Variants in FOXA3 observed in about 807,000 individuals in gnomAD.
FOXA3 encodes forkhead box A3.
In FOXA3, 11 loss-of-function variants were observed where a neutral mutation model predicts 16.9. That is an observed-to-expected ratio of 0.65 (90% CI 0.41 to 1.08). FOXA3 has a LOEUF of 1.08. Ranked by LOEUF, FOXA3 falls within the 50% of genes least tolerant of loss-of-function variation. FOXA3 has a pLI of 0.00. For synonymous variants in FOXA3, 217 were observed against 203.3 expected, an observed-to-expected ratio of 1.07 and a Z score of -0.57; for missense variants, 423 against 470.1, an observed-to-expected ratio of 0.90 and a Z score of 0.93.
In FOXA3 at chr19:45,872,452, C is replaced by G. The variant is rs780833457; in HGVS notation, c.447C>G (p.Asp149Glu). 1.1e-5 allele frequency: 17 copies of G among 1,614,216 alleles called. No individual in the cohort carries two copies. In the South Asian group the frequency reaches 1.6e-4, roughly 16 times the overall value. The change falls in exon 2 of 2, where the codon GAC becomes GAG. Residue 149 changes from aspartate (D) to glutamate (E), a missense_variant. Physicochemically the swap from Asp to Glu is conservative, Grantham distance 45. Around this residue, in one of 3 missense-constraint regions of FOXA3, gnomAD observed 85 missense variants for 136.9 expected, o/e 0.62. Transcript: ENST00000302177. The surrounding 1 kb of genome is among the most constrained non-coding windows in gnomAD (Gnocchi z 4.5). ...TLSEIYQWIM[D>E]LFPYYRENQQ... is the part of the protein sequence containing the mutation. ...GTGAAATCTACCAGTGGATCATGGA[C>G]CTCTTCCCTTACTACCGGGAGAATC...
chr19:45,867,937 T>C (rs930491429), intron 1 of FOXA3, among the ~76,000 whole-genome samples: 4 of 131,620 alleles, frequency 3.0e-5, no homozygotes, highest in African/African-American at 1.2e-4. Flanking sequence ...GGGGCCGAGA[T>C]GGAGGGGAAA....
chr19:45,864,344 G>A lies in FOXA3; in HGVS notation c.-113G>A. On this transcript the variant is annotated 5_prime_UTR_variant, in exon 1 of 2. Coordinates refer to ENST00000302177, the MANE Select transcript of FOXA3 (RefSeq NM_004497.3). ...GGCGCTCGGGACAGCCGTACCCCGG[G>A]CGGTCGGACGGGCGGGCGCCGGTGG... is the stretch of plus-strand genomic sequence containing the variant. The A allele has an allele frequency of 1.1e-6, 1 of 887,816 alleles. No homozygotes were observed. Among genetic ancestry groups the A allele is most frequent in the Non-Finnish European group, 1.5e-6 (1 of 658,076 alleles). 55.0% of individuals were successfully genotyped at this position (887,816 alleles called of 1,614,324 possible).
chr19:45,865,402 A>G (rs138664374), intron 1 of FOXA3, among the ~76,000 whole-genome samples: 8 of 152,102 alleles, frequency 5.3e-5, no homozygotes, highest in Middle Eastern at 3.2e-3. Context: ...ACCTGGACAG[A>G]CAGAAAGTCC....
chr19:45,865,417 T>C (rs1241824394), intron 1 of FOXA3, among the ~76,000 whole-genome samples: 1 of 152,094 alleles, frequency 6.6e-6, no homozygotes, highest in Non-Finnish European at 1.5e-5. Flanking sequence ...AAGTCCTTCC[T>C]CAAGTCTGAC....
chr19:45,872,745 T>C lies in FOXA3; in HGVS notation c.740T>C (p.Val247Ala), dbSNP rs1261954567. ...AASTTTPAATVTSPPQPPPPA... is the reference protein window; with the variant it reads ...AASTTTPAATATSPPQPPPPA... ...TCGACCACCACCCCCGCGGCCACAG[T>C]CACCTCCCCGCCCCAGCCCCCGCCT... Residue 247 changes from valine to alanine, a missense_variant, in exon 2 of 2, where the codon GTC becomes GCC. Physicochemically the swap from Val to Ala is moderately conservative, Grantham distance 64 (BLOSUM62 0). Around this residue, in one of 3 missense-constraint regions of FOXA3, gnomAD observed 168 missense variants for 179.3 expected, o/e 0.94. Coordinates refer to ENST00000302177, the MANE Select transcript of FOXA3 (RefSeq NM_004497.3). This position sits in a 1 kb window ranked among gnomAD's most constrained non-coding sequence, Gnocchi z 4.5. 5 of 1,603,384 alleles carry C rather than the reference T, an allele frequency of 3.1e-6. No individual in the cohort carries two copies.
chr19:45,865,247 C>T (rs1972073276), intron 1 of FOXA3, among the ~76,000 whole-genome samples: 2 of 152,058 alleles, frequency 1.3e-5, no homozygotes, highest in Non-Finnish European at 2.9e-5. Flanking sequence ...CTCCCCAAGT[C>T]GGAAGATGGA....
chr19:45,866,393 G>C (rs1442363305), intron 1 of FOXA3, among the ~76,000 whole-genome samples: 1 of 152,132 alleles, frequency 6.6e-6, no homozygotes, highest in African/African-American at 2.4e-5. Flanking sequence ...CTGGGTGACA[G>C]AATGAGACCC....
rs929287605 is a variant in FOXA3, at chr19:45,864,365, G to A, written c.-92G>A. 3 of 1,147,078 alleles carry A rather than the reference G, an allele frequency of 2.6e-6. No homozygotes were observed. Among genetic ancestry groups the A allele is most frequent in the Non-Finnish European group, 3.4e-6 (3 of 891,184 alleles). The allele number at this position is 1,147,078 out of a possible 1,614,324, so 71.1% of individuals were successfully genotyped here. On this transcript the variant is annotated 5_prime_UTR_variant, in exon 1 of 2. Coordinates refer to ENST00000302177, the MANE Select transcript of FOXA3 (RefSeq NM_004497.3). ...CCGGGCGGTCGGACGGGCGGGCGCC[G>A]GTGGGAGCTCGGGCCGTGCCCGCTG...
intron 1 of FOXA3, among the ~76,000 whole-genome samples, chr19:45,869,172 A>AC (rs1453927384): frequency 2.0e-5 from 3 of 150,116 alleles, no homozygotes; most frequent in Non-Finnish European, 4.4e-5. Context: ...AGCGATCCGC[A>AC]CCCCCACCCC....
At chr19:45,869,317 C>A (rs1285145742) in intron 1 of FOXA3, among the ~76,000 whole-genome samples, 2 of 152,168 alleles carry the variant, frequency 1.3e-5, no homozygotes, top group Non-Finnish European at 2.9e-5. Flanking sequence ...GTTCTGCCCC[C>A]ATTCTTGCTG....
Position 45,872,247 on chromosome 19 carries a change from T to A in FOXA3, c.242T>A (p.Leu81Gln), listed in dbSNP as rs1227441369. 1.9e-6 allele frequency: 3 copies of A among 1,609,462 alleles called. No individual in the cohort carries two copies. The highest frequency in any genetic ancestry group is 2.2e-5 in the South Asian group (2 of 90,880). The change falls in exon 2 of 2, where the codon CTG (leucine) becomes CAG (glutamine). Residue 81 changes from leucine (L) to glutamine (Q), a missense_variant. Leu to Gln is a moderately radical substitution (Grantham distance 113). Coordinates refer to ENST00000302177, the MANE Select transcript of FOXA3 (RefSeq NM_004497.3). This position sits in a 1 kb window ranked among gnomAD's most constrained non-coding sequence, Gnocchi z 4.5. ...CCCCTGGGGCCCACTTTCCCAGGCC[T>A]GGGTGTCAGCGGTGGCAGCAGCAGC... ...AAPLGPTFPG[L>Q]GVSGGSSSSG...
intron 1 of FOXA3, among the ~76,000 whole-genome samples, chr19:45,867,869 A>G (rs550927027): frequency 1.3e-5 from 2 of 149,100 alleles, no homozygotes; most frequent in Non-Finnish European, 3.0e-5. Flanking sequence ...GTAGAGTCGG[A>G]TAGTGAGAGA....
intron 1 of FOXA3, among the ~76,000 whole-genome samples, chr19:45,870,837 G>A (rs1445601101): frequency 2.0e-5 from 3 of 152,000 alleles, no homozygotes; most frequent in African/African-American, 4.8e-5. Flanking sequence ...CAAAGTTCTG[G>A]GATTACTTTG....
At position 45,867,372 on chromosome 19, in the gene FOXA3, G is replaced by A. The variant is rs538003066; in HGVS notation, c.69+2847G>A. On this transcript the variant is annotated intron_variant, in intron 1 of 1. Transcript: ENST00000302177. ...GAGTAACTGTGGCTGCAATTTCACT[G>A]TAAGACTTGGGGTGAGGGGGAATGG... Among the ~76,000 whole-genome samples the A allele has an allele frequency of 2.0e-5, 3 of 152,096 alleles. No homozygotes were observed. In the East Asian group the frequency reaches 5.8e-4, roughly 29 times the overall value.
rs368613056 is a variant in FOXA3, at chr19:45,867,925, CAG to C, written c.69+3401_69+3402del. ...AGAGATGGAAGGATGGAGAGAGAGA[CAG>C]GGGCCGAGATGGAGGGGAAAGAAAG... On this transcript the variant is annotated intron_variant, in intron 1 of 1. Coordinates refer to ENST00000302177, the MANE Select transcript of FOXA3 (RefSeq NM_004497.3). Among the ~76,000 whole-genome samples the C allele has an allele frequency of 3.2e-3, 478 of 147,100 alleles. 3 individuals carry two copies. The highest frequency in any genetic ancestry group is 0.012 in the African/African-American group (458 of 39,450).
rs1177921527 is a variant in FOXA3 at position 45,864,865 on chromosome 19, C to T, written c.69+340C>T. On this transcript the variant is annotated intron_variant, in intron 1 of 1. Transcript: ENST00000302177. Reference sequence around the variant, plus strand: ...CAAACCAAAGATAGGAATCAGAGTTCCAGGGTAGGGGACAGACTAGGGGGT... The same window carrying T: ...CAAACCAAAGATAGGAATCAGAGTTTCAGGGTAGGGGACAGACTAGGGGGT... 4.6e-5 allele frequency among the ~76,000 whole-genome samples: 7 copies of T among 152,082 alleles called. No individual in the cohort carries two copies. In the East Asian group the frequency reaches 1.4e-3, roughly 29 times the overall value.
intron 1 of FOXA3, among the ~76,000 whole-genome samples, chr19:45,865,047 G>A (rs1295897595): frequency 6.6e-6 from 1 of 152,034 alleles, no homozygotes; most frequent in Non-Finnish European, 1.5e-5. Context: ...TCTAAGGTAG[G>A]GTCAGACATA....
intron 1 of FOXA3, among the ~76,000 whole-genome samples, chr19:45,869,171 C>T (rs1306841895): frequency 1.3e-5 from 2 of 152,034 alleles, no homozygotes; most frequent in African/African-American, 2.4e-5. Flanking sequence ...AAGCGATCCG[C>T]ACCCCCACCC....
In FOXA3 at chr19:45,872,116, C is replaced by A; in HGVS notation, c.111C>A (p.Leu37=). 1 of 1,605,462 alleles carries A rather than the reference C, an allele frequency of 6.2e-7. No homozygotes were observed. The change falls in exon 2 of 2, where the codon CTC becomes CTA. Residue 37 remains leucine, a synonymous_variant. Transcript: ENST00000302177. This position sits in a 1 kb window ranked among gnomAD's most constrained non-coding sequence, Gnocchi z 4.5. ...CCCCAGTGCCCACCATGGCCCCCCT[C>A]AACTCCTACATGACCCTGAATCCTC... ...PVTPVPTMAP[L]NSYMTLNPLS...
Sources: gnomAD v4.1 joint callset for allele counts (sites outside exome capture counted in the v4.1 genomes callset) on GRCh38, gnomAD v4.1.1 for gene constraint, gnomAD v4.1.1 regional missense constraint, Gnocchi (gnomAD v3.1) non-coding constraint, MANE v1.5 for transcripts, NCBI Gene and HGNC (gene_info 2026-07-23, HGNC 2026-07-21) for gene names.